Variants in TMEM237 observed in about 807,000 individuals in gnomAD.
TMEM237 encodes the protein amyotrophic lateral sclerosis 2 (juvenile) chromosome region, candidate 4.
A neutral mutation model predicts 59.1 loss-of-function variants in TMEM237; 51 were observed. The observed-to-expected ratio is 0.86, with a 90% CI of 0.69 to 1.09. The LOEUF is 1.09. Ranked by LOEUF, TMEM237 falls within the 50% of genes least tolerant of loss-of-function variation. The pLI is 0.00. For missense variants in TMEM237, 475 were observed against 478.3 expected (o/e 0.99, Z 0.06); for synonymous variants, 140 against 166.1 (o/e 0.84, Z 1.21).
Position 201,627,410 on chromosome 2 carries a change from G to A in TMEM237, c.948C>T (p.Tyr316=). The change falls in exon 11 of 13, where the codon TAC becomes TAT. Residue 316 remains tyrosine, a synonymous_variant. Transcript: ENST00000409883. The stretch of plus-strand genomic sequence containing the variant: ...TCAGAGATAGTATAAGAGCAGTAAA[G>A]TACACTGAGAAAAAGACAAATGAAA... ...LDPTALASFL[Y]FTALILSLSQ... 1 of 1,583,682 alleles carries A rather than the reference G, an allele frequency of 6.3e-7. No homozygotes were observed. The highest frequency in any genetic ancestry group is 1.2e-5 in the South Asian group (1 of 85,396).
rs556811605 is a variant in TMEM237, at chr2:201,625,235, G to A, written c.1159+791C>T. Among the ~76,000 whole-genome samples, 689 of 151,992 alleles carry A rather than the reference G, an allele frequency of 4.5e-3. 11 individuals are homozygous for A. The highest frequency in any genetic ancestry group is 2.7e-3 in the East Asian group (14 of 5,156). Reference sequence around the variant, plus strand: ...AAATTAGCCGGGCGTGGTGGCGGGCGCCTGTAGTTCCAGCTACTCGGGAGG... The same window carrying A: ...AAATTAGCCGGGCGTGGTGGCGGGCACCTGTAGTTCCAGCTACTCGGGAGG... On this transcript the variant is annotated intron_variant, in intron 12 of 12. Coordinates refer to ENST00000409883, the MANE Select transcript of TMEM237 (RefSeq NM_001044385.3).
rs370790275 is a variant in TMEM237, at chr2:201,633,324, G to A, written c.382C>T (p.Arg128Trp). The part of the protein sequence containing the change: ...PAEEAVIQKP[R>W]RKTKKTQPAE... ...ATAAATTCCTACTTTGTCTTCCTCC[G>A]AGGTTTTTGAATAACTGCCTCCTCA... is the stretch of plus-strand genomic sequence containing the variant. Residue 128 changes from arginine to tryptophan, a missense_variant, in exon 6 of 13, where the codon CGG becomes TGG. Coordinates refer to ENST00000409883, the MANE Select transcript of TMEM237 (RefSeq NM_001044385.3). 53 of 1,598,030 alleles carry A rather than the reference G, an allele frequency of 3.3e-5. No homozygotes were observed. The highest frequency in any genetic ancestry group is 1.8e-4 in the East Asian group (8 of 44,396).
chr2:201,621,693 G>T lies in TMEM237; in HGVS notation c.*2562C>A, dbSNP rs969622438. 6.6e-6 allele frequency: 1 copy of T among 152,544 alleles called. No homozygotes were observed. Among genetic ancestry groups the T allele is most frequent in the Non-Finnish European group, 1.5e-5 (1 of 68,030 alleles). 9.4% of individuals were successfully genotyped at this position (152,544 alleles called of 1,614,324 possible). On this transcript the variant is annotated 3_prime_UTR_variant, in exon 13 of 13. Transcript: ENST00000409883. The stretch of plus-strand genomic sequence containing the variant: ...CTGGCCAAGGGCTCTGATCAGCAAG[G>T]TGCCCCTGTGTTATCTACCCAGTGC...
intron 7 of TMEM237, chr2:201,631,399 TAC>T (rs1272517518): frequency 2.6e-5 from 4 of 152,224 alleles, no homozygotes; most frequent in African/African-American, 4.8e-5. Context: ...TGAGCTAAAA[TAC>T]ACTGCAAACC....
At chr2:201,624,993 G>C (rs1474715686) in intron 12 of TMEM237, among the ~76,000 whole-genome samples, 2 of 152,150 alleles carry the variant, frequency 1.3e-5, no homozygotes, top group African/African-American at 4.8e-5. Flanking sequence ...TGCATGCTAA[G>C]GCTTCTGAGG....
At chr2:201,642,619 T>C (rs763523604) in intron 1 of TMEM237, 1 of 1,609,136 alleles carries the variant, frequency 6.2e-7, no homozygotes, top group Non-Finnish European at 8.5e-7. Flanking sequence ...CACAGGATTC[T>C]TCCCCATTCT....
intron 11 of TMEM237, 27 bp from the exon 12 acceptor site, chr2:201,626,174 A>G (rs757309896): frequency 1.3e-5 from 21 of 1,605,446 alleles, no homozygotes; most frequent in African/African-American, 4.0e-5. Context: ...ACTCATTAGA[A>G]GTGCCTTCAG....
chr2:201,640,173 C>T, intron 3 of TMEM237, 88 bp downstream of exon 3: 1 of 1,043,054 alleles, frequency 9.6e-7, no homozygotes, highest in Non-Finnish European at 1.3e-6. Flanking sequence ...CAAATTACAC[C>T]ATTCAGACTC....
At position 201,632,082 on chromosome 2, in the gene TMEM237, C is replaced by G; in HGVS notation, c.522G>C (p.Gln174His). 6.2e-7 allele frequency: 1 copy of G among 1,613,896 alleles called. No homozygotes were observed. Among genetic ancestry groups the G allele is most frequent in the Non-Finnish European group, 8.5e-7 (1 of 1,179,814 alleles). Reference protein sequence around the residue: ...SVFTAPTGISQPVGKVFVEKS... With the variant: ...SVFTAPTGISHPVGKVFVEKS... ...TTTCCACAAATACTTTGCCTACAGG[C>G]TGGCTAATGCCAGTGGGTGCAGTGA... The change falls in exon 7 of 13, where the codon CAG becomes CAC. Residue 174 changes from glutamine to histidine, a missense_variant. Physicochemically the swap from Gln to His is conservative, Grantham distance 24. Coordinates refer to ENST00000409883, the MANE Select transcript of TMEM237 (RefSeq NM_001044385.3).
chr2:201,631,676 T>C (rs1452220360), intron 7 of TMEM237, among the ~76,000 whole-genome samples: 1 of 152,204 alleles, frequency 6.6e-6, no homozygotes, highest in East Asian at 1.9e-4. Flanking sequence ...GCATTAATAT[T>C]TGAGCCTATT....
rs899880719 is a variant in TMEM237 at position 201,635,785 on chromosome 2, G to A, written c.274+963C>T. Among the ~76,000 whole-genome samples the A allele has an allele frequency of 2.7e-5, 4 of 148,380 alleles. No homozygotes were observed. Among genetic ancestry groups the A allele is most frequent in the South Asian group, 2.1e-4 (1 of 4,702 alleles). On this transcript the variant is annotated intron_variant, in intron 5 of 12. Coordinates refer to ENST00000409883, the MANE Select transcript of TMEM237 (RefSeq NM_001044385.3). This position sits in a 1 kb window ranked among gnomAD's most constrained non-coding sequence, Gnocchi z 4.5. ...CTTAAAAAAAAAAAAAAAGAGGCTC[G>A]AAGAAACAAGGAAGGATTCTTTTCT...
chr2:201,626,220 A>G, intron 11 of TMEM237, 73 bp from the exon 12 acceptor site: 6 of 1,508,466 alleles, frequency 4.0e-6, no homozygotes, highest in Non-Finnish European at 5.3e-6. Context: ...TATTTTATGA[A>G]CTTTAAGAAA....
In TMEM237 at chr2:201,634,479, T is replaced by A. The variant is rs1381683987; in HGVS notation, c.275-1048A>T. ...CTGCCAGGCTTGGTGTACTTTGGAA[T>A]GGCAATGACAGGTCCTTTTTGATTC... On this transcript the variant is annotated intron_variant, in intron 5 of 12. Transcript: ENST00000409883. The A allele has an allele frequency of 9.2e-5, 14 of 152,308 alleles. No individual in the cohort carries two copies. In the East Asian group the frequency reaches 2.5e-3, roughly 27 times the overall value. The allele number at this position is 152,308 out of a possible 1,614,324, so 9.4% of individuals were successfully genotyped here.
intron 11 of TMEM237, 124 bp from the exon 12 acceptor site, chr2:201,626,271 G>A (rs1235754709): frequency 1.9e-6 from 2 of 1,041,610 alleles, no homozygotes; most frequent in Non-Finnish European, 1.4e-6. Flanking sequence ...AGTAAAGTGT[G>A]AAAGAAAATA....
In TMEM237 at chr2:201,632,031, A is replaced by G; in HGVS notation, c.553+20T>C. 6.2e-7 allele frequency: 1 copy of G among 1,612,732 alleles called. No individual in the cohort carries two copies. The highest frequency in any genetic ancestry group is 1.1e-5 in the South Asian group (1 of 90,904). ...ACAATTTTTAAAGAGTTCATATTCTAAAACAAGGCATCTACTTACGGCTTT... is the reference window on the plus strand; with the variant it reads ...ACAATTTTTAAAGAGTTCATATTCTGAAACAAGGCATCTACTTACGGCTTT... On this transcript the variant is annotated intron_variant, in intron 7 of 12. Transcript: ENST00000409883.
intron 1 of TMEM237, chr2:201,642,501 A>G (rs1375512637): frequency 4.6e-6 from 6 of 1,310,728 alleles, no homozygotes; most frequent in Admixed American, 2.6e-5. Context: ...AAGTCCCGCA[A>G]AAATGACGTT....
In TMEM237 at chr2:201,621,009, TA is replaced by T. The variant is rs1168443154; in HGVS notation, c.*3245del. On this transcript the variant is annotated 3_prime_UTR_variant, in exon 13 of 13. Coordinates refer to ENST00000409883, the MANE Select transcript of TMEM237 (RefSeq NM_001044385.3). ...CACATTTGTCATTATTTCAGATTTA[TA>T]CTATGTGGTGTGTTAATTACTGCAC... 6.6e-6 allele frequency: 1 copy of T among 152,234 alleles called. No homozygotes were observed. Among genetic ancestry groups the T allele is most frequent in the Non-Finnish European group, 1.5e-5 (1 of 68,042 alleles). The allele number at this position is 152,234 out of a possible 1,614,324, so 9.4% of individuals were successfully genotyped here. A position where few individuals can be genotyped will look rare whatever the true frequency, so the allele number is the denominator to read the frequency against.
intron 11 of TMEM237, 173 bp from the exon 12 acceptor site, chr2:201,626,320 C>G: frequency 4.6e-6 from 3 of 652,562 alleles, no homozygotes; most frequent in Non-Finnish European, 7.5e-6. Context: ...ATAATGAGAA[C>G]AAGGGTTCAA....
At position 201,641,926 on chromosome 2, in the gene TMEM237, G is replaced by T. The variant is rs375131389; in HGVS notation, c.43-1002C>A. The stretch of plus-strand genomic sequence containing the variant: ...GCCGCACAATTACCAAGGAGAGGTA[G>T]GCAGGAGCCAGATTAGTTAGGGCCT... On this transcript the variant is annotated intron_variant, in intron 1 of 12. Transcript: ENST00000409883. 5.3e-5 allele frequency among the ~76,000 whole-genome samples: 8 copies of T among 152,140 alleles called. No individual in the cohort carries two copies. The East Asian group carries it at 1.5e-3, about 29-fold the overall frequency.
Sources: gnomAD v4.1 joint callset for allele counts (sites outside exome capture counted in the v4.1 genomes callset) on GRCh38, gnomAD v4.1.1 for gene constraint, Gnocchi (gnomAD v3.1) non-coding constraint, MANE v1.5 for transcripts, NCBI Gene and HGNC (gene_info 2026-07-23, HGNC 2026-07-21) for gene names.